SSX7: variants seen among roughly 807,000 people sequenced by gnomAD.
The protein encoded by SSX7 is SSX family member 7.
A neutral mutation model predicts 14.7 loss-of-function variants in SSX7; 15 were observed. The observed-to-expected ratio is 1.02, with a 90% CI of 0.68 to 1.58. The LOEUF (loss-of-function observed/expected upper bound fraction) is 1.58, where lower values mean the gene tolerates loss of function less well. SSX7 is among the 40% of genes most tolerant of loss of function. The pLI is 0.00. For synonymous variants in SSX7, 46 were observed against 50.6 expected (o/e 0.91, Z 0.38); for missense variants, 178 against 146.8 (o/e 1.21, Z -1.10).
intron 5 of SSX7, 70 bp from the exon 6 acceptor site, chrX:52,648,466 C>A (rs41308612): frequency 3.4e-6 from 4 of 1,175,183 alleles, no homozygotes; most frequent in Non-Finnish European, 4.6e-6. Flanking sequence ...GCTTACAAAG[C>A]GTCTTCACAT....
In SSX7 at chrX:52,650,338, C is replaced by T. The variant is rs1556766854; in HGVS notation, c.330+15G>A. The T allele has an allele frequency of 3.3e-6, 4 of 1,207,860 alleles. No individual in the cohort carries two copies. The highest frequency in any genetic ancestry group is 4.5e-6 in the Non-Finnish European group (4 of 892,491). On this transcript the variant is annotated intron_variant, in intron 5 of 7. Coordinates refer to ENST00000298181, the MANE Select transcript of SSX7 (RefSeq NM_173358.2). The stretch of plus-strand genomic sequence containing the variant: ...ACAAAGGTTCTCTGGTCCTTTAGAT[C>T]TGAGAGACACTCACCTTCGGGAAGA...
At chrX:52,647,068 G>C (rs1389622792) in intron 6 of SSX7, among the ~76,000 whole-genome samples, 3 of 112,508 alleles carry the variant, frequency 2.7e-5, no homozygotes, top group Admixed American at 9.5e-5. Context: ...GAGTGGTCAG[G>C]ATATTTGATG....
At chrX:52,647,483 A>C (rs1556766466) in intron 6 of SSX7, among the ~76,000 whole-genome samples, 1 of 112,216 alleles carries the variant, frequency 8.9e-6, no homozygotes, top group African/African-American at 3.2e-5. Flanking sequence ...CACATACTAC[A>C]GAGAAATCCT....
chrX:52,648,223 G>GAA (rs782059844), intron 6 of SSX7, 38 bp downstream of exon 6: 1 of 1,196,206 alleles, frequency 8.4e-7, no homozygotes, highest in African/African-American at 1.8e-5. Flanking sequence ...CATAGCCACG[G>GAA]AAGCCAGAGG....
In SSX7 at chrX:52,645,452, G is replaced by C. The variant is rs782199762; in HGVS notation, c.558C>G (p.Asp186Glu). Residue 186 changes from aspartate (D) to glutamate (E), a missense_variant, in exon 7 of 8, where the codon GAC becomes GAG. Transcript: ENST00000298181. ...AGGTTCACTTACGGAGTTACTCGTC[G>C]TCTTCTTCAGGGTCGCTGATCTCTT... The part of the protein sequence containing the change: ...IYEEISDPEE[D>E]DE 9.3e-6 allele frequency: 11 copies of C among 1,177,538 alleles called. No homozygotes were observed. Among genetic ancestry groups the C allele is most frequent in the Non-Finnish European group, 1.3e-5 (11 of 869,346 alleles).
At chrX:52,652,499 T>C (rs1925467737) in intron 3 of SSX7, 152 bp from the exon 4 acceptor site, 1 of 470,739 alleles carries the variant, frequency 2.1e-6, no homozygotes, top group Non-Finnish European at 3.8e-6. Flanking sequence ...ACTGCACTAC[T>C]GCAAACTAGC....
intron 4 of SSX7, among the ~76,000 whole-genome samples, chrX:52,651,774 C>T (rs1489056245): frequency 4.5e-5 from 5 of 111,547 alleles, no homozygotes; most frequent in African/African-American, 1.6e-4. Context: ...ACTCCGGAGG[C>T]TGAGGCAGGA....
chrX:52,646,875 A>G (rs1431648121), intron 6 of SSX7, among the ~76,000 whole-genome samples: 1 of 112,599 alleles, frequency 8.9e-6, no homozygotes, highest in Non-Finnish European at 1.9e-5. Flanking sequence ...AAGCCAAGAC[A>G]GGCTGAAAGC....
intron 7 of SSX7, 61 bp from the exon 8 acceptor site, chrX:52,644,731 A>G: frequency 9.0e-7 from 1 of 1,109,058 alleles, no homozygotes; most frequent in Non-Finnish European, 1.2e-6. Context: ...TGACAACTCA[A>G]TCTCAACTCC....
chrX:52,653,048 G>A (rs1201150619), intron 2 of SSX7, 64 bp from the exon 3 acceptor site: 2 of 1,184,652 alleles, frequency 1.7e-6, no homozygotes, highest in Middle Eastern at 2.4e-4. Context: ...CATTCAGCTG[G>A]AGCCCCTTCC....
chrX:52,647,704 G>C (rs1185754691), intron 6 of SSX7, among the ~76,000 whole-genome samples: 1 of 111,742 alleles, frequency 8.9e-6, no homozygotes, highest in Non-Finnish European at 1.9e-5. Flanking sequence ...TTAAAATAAA[G>C]GTATGTACAT....
chrX:52,651,544 T>A (rs1925428687), intron 4 of SSX7, among the ~76,000 whole-genome samples: 1 of 111,672 alleles, frequency 9.0e-6, no homozygotes, highest in Non-Finnish European at 1.9e-5. Context: ...ACCCCACAGC[T>A]ATGCTAGGTT....
At chrX:52,653,124 A>C (rs782258830) in intron 2 of SSX7, 140 bp from the exon 3 acceptor site, 22 of 1,169,035 alleles carry the variant, frequency 1.9e-5, no homozygotes, top group Admixed American at 2.4e-5. Flanking sequence ...GACCTTTCCT[A>C]GCTTCACCCC....
In SSX7 at chrX:52,648,076, T is replaced by C. The variant is rs191092046; in HGVS notation, c.466+185A>G. ...GACTAGCCCCAAGTCACGTGGTTTG[T>C]ATATGGGTGACAACTCCAGTCTGTA... is the stretch of plus-strand genomic sequence containing the variant. On this transcript the variant is annotated intron_variant, in intron 6 of 7. Coordinates refer to ENST00000298181, the MANE Select transcript of SSX7 (RefSeq NM_173358.2). Among the ~76,000 whole-genome samples the C allele has an allele frequency of 5.0e-3, 564 of 112,000 alleles. 4 individuals carry two copies. The highest frequency in any genetic ancestry group is 8.1e-3 in the Non-Finnish European group (433 of 53,160).
At position 52,645,202 on chromosome X, in the gene SSX7, C is replaced by T. The variant is rs782394203; in HGVS notation, c.*4+237G>A. Among the ~76,000 whole-genome samples the T allele has an allele frequency of 6.5e-5, 7 of 107,563 alleles. No individual in the cohort carries two copies. In the South Asian group the frequency reaches 2.1e-3, roughly 33 times the overall value. The allele number at this position is 107,563 out of a possible 115,157, so 93.4% of individuals were successfully genotyped here. On this transcript the variant is annotated intron_variant, in intron 7 of 7. Transcript: ENST00000298181. ...AGGAGAATGGCGTGAACCCGTGAGG[C>T]GGAGCTTGCAGTAAGCGGAGATCAT...
chrX:52,653,789 T>C lies in SSX7; in HGVS notation c.-20-297A>G, dbSNP rs1353663164. Among the ~76,000 whole-genome samples the C allele has an allele frequency of 2.7e-5, 3 of 110,861 alleles. No homozygotes were observed. The East Asian group carries it at 8.6e-4, about 32-fold the overall frequency. On this transcript the variant is annotated intron_variant, in intron 1 of 7. Coordinates refer to ENST00000298181, the MANE Select transcript of SSX7 (RefSeq NM_173358.2). ...GTAGTTTCCCTGGGGCTAGCCTTACTCTGAAAGATGTACAGACCCTTGTTG... is the reference window on the plus strand; with the variant it reads ...GTAGTTTCCCTGGGGCTAGCCTTACCCTGAAAGATGTACAGACCCTTGTTG...
At chrX:52,651,907 C>A (rs1556767050) in intron 4 of SSX7, among the ~76,000 whole-genome samples, 3 of 110,934 alleles carry the variant, frequency 2.7e-5, no homozygotes. Flanking sequence ...ACACTATCAA[C>A]AAGTCACAGC....
chrX:52,654,097 G>A (rs1204684791), intron 1 of SSX7, among the ~76,000 whole-genome samples: 6 of 111,262 alleles, frequency 5.4e-5, no homozygotes, highest in African/African-American at 2.0e-4. Flanking sequence ...AGAGAATGTA[G>A]GGAGTTTCAA....
At chrX:52,653,355 C>T (rs1556767283) in intron 2 of SSX7, 49 bp downstream of exon 2, 2 of 1,210,358 alleles carry the variant, frequency 1.7e-6, no homozygotes, top group East Asian at 3.0e-5. Flanking sequence ...ACTTGGCCAC[C>T]CCACACTGTC....
Sources: allele counts gnomAD v4.1 joint callset (sites outside exome capture counted in the v4.1 genomes callset), GRCh38; gene constraint gnomAD v4.1.1; transcripts MANE v1.5; gene names NCBI Gene and HGNC (gene_info 2026-07-23, HGNC 2026-07-21).